SERPINE2: variants seen among roughly 807,000 people sequenced by gnomAD.
SERPINE2 encodes serpin family E member 2.
A neutral mutation model predicts 36.3 loss-of-function variants in SERPINE2; 14 were observed. The observed-to-expected ratio is 0.39, with a 90% confidence interval of 0.25 to 0.60. SERPINE2 has a LOEUF of 0.60. Ranked by LOEUF, SERPINE2 falls within the 20% of genes least tolerant of loss-of-function variation. The pLI is 0.57. For synonymous variants in SERPINE2, 192 were observed against 191.8 expected (o/e 1.00, Z -0.01); for missense variants, 418 against 499.6 (o/e 0.84, Z 1.56).
chr2:223,977,435 G>T, intron 8 of SERPINE2, 109 bp downstream of exon 8: 1 of 742,868 alleles, frequency 1.3e-6, no homozygotes, highest in Non-Finnish European at 2.5e-6. Context: ...TGCAACTATT[G>T]ACATTAGGGA....
chr2:224,037,108 G>A (rs1208533887), intron 1 of SERPINE2, among the ~76,000 whole-genome samples: 1 of 152,162 alleles, frequency 6.6e-6, no homozygotes, highest in African/African-American at 2.4e-5. Context: ...AGTTTCAAGC[G>A]AGCAAGGATC....
chr2:224,011,134 C>CTATG (rs1223311342), intron 1 of SERPINE2, among the ~76,000 whole-genome samples: 1 of 152,094 alleles, frequency 6.6e-6, no homozygotes, highest in Admixed American at 6.6e-5. Flanking sequence ...TCTGGTTTAC[C>CTATG]TATGTATCAA....
At chr2:224,001,215 G>T (rs1240874667) in intron 2 of SERPINE2, among the ~76,000 whole-genome samples, 1 of 152,128 alleles carries the variant, frequency 6.6e-6, no homozygotes, top group Non-Finnish European at 1.5e-5. Flanking sequence ...CCACAATCAA[G>T]ACCCAGGATG....
At chr2:223,987,788 C>T (rs2106144545) in intron 4 of SERPINE2, among the ~76,000 whole-genome samples, 1 of 152,254 alleles carries the variant, frequency 6.6e-6, no homozygotes, top group African/African-American at 2.4e-5. Context: ...ACTTTAAGTG[C>T]TACTAGGGAA....
At chr2:224,002,337 T>C (rs1691211796) in intron 1 of SERPINE2, among the ~76,000 whole-genome samples, 2 of 152,110 alleles carry the variant, frequency 1.3e-5, no homozygotes, top group African/African-American at 4.8e-5. Flanking sequence ...TTGAATGCCA[T>C]GTGAATATAT....
intron 1 of SERPINE2, among the ~76,000 whole-genome samples, chr2:224,007,724 G>T (rs1410049923): frequency 3.9e-5 from 6 of 151,932 alleles, no homozygotes; most frequent in Non-Finnish European, 8.8e-5. Context: ...TGTTTTTTTG[G>T]TTGTTTGTTT....
chr2:224,038,065 G>C (rs184164136), intron 1 of SERPINE2, among the ~76,000 whole-genome samples: 1 of 152,240 alleles, frequency 6.6e-6, no homozygotes, highest in East Asian at 1.9e-4. Flanking sequence ...GTGTGGTTTA[G>C]GATATACAAA....
At chr2:224,031,215 C>T (rs1438486639) in intron 1 of SERPINE2, 1 of 985,260 alleles carries the variant, frequency 1.0e-6, no homozygotes, top group East Asian at 1.1e-4. Flanking sequence ...GCTGTGCGAC[C>T]CTACATATTC....
intron 8 of SERPINE2, among the ~76,000 whole-genome samples, chr2:223,976,603 A>C (rs941397492): frequency 5.9e-5 from 9 of 152,262 alleles, no homozygotes; most frequent in Non-Finnish European, 1.3e-4. Flanking sequence ...GATTAAATAA[A>C]ATAGTAAAAG....
chr2:224,037,250 C>G lies in SERPINE2; in HGVS notation c.-23+1849G>C, dbSNP rs114868931. ...AGATGGGGGAGGACGTGAGGAGATACTTATGACCTCTATTCTCCTGGTAGA... is the reference window on the plus strand; with the variant it reads ...AGATGGGGGAGGACGTGAGGAGATAGTTATGACCTCTATTCTCCTGGTAGA... On this transcript the variant is annotated intron_variant, in intron 1 of 8. Coordinates refer to ENST00000409304, the MANE Select transcript of SERPINE2 (RefSeq NM_001136528.2). 6.1e-3 allele frequency among the ~76,000 whole-genome samples: 922 copies of G among 152,272 alleles called. 5 individuals are homozygous for G. The highest frequency in any genetic ancestry group is 0.021 in the African/African-American group (882 of 41,554).
At chr2:224,031,538 G>C (rs1393894371) in intron 1 of SERPINE2, 7 of 983,648 alleles carry the variant, frequency 7.1e-6, no homozygotes, top group Non-Finnish European at 6.0e-6. Context: ...CACAGCCATT[G>C]GTACACGGAA....
intron 4 of SERPINE2, 112 bp downstream of exon 4, chr2:223,991,691 C>T: frequency 9.0e-7 from 1 of 1,112,962 alleles, no homozygotes; most frequent in South Asian, 1.3e-5. Flanking sequence ...CTCTGTTCCC[C>T]AGTTTTTTAA....
chr2:223,984,769 C>T lies in SERPINE2; in HGVS notation c.867G>A (p.Val289=). Residue 289 remains valine, a synonymous_variant, in exon 5 of 9, where the codon GTG becomes GTA. Transcript: ENST00000409304. ...SWMSIMVPKR[V]QVILPKFTAV... ...CCACTTACTTGGGCAGGATCACCTGCACCCTCTTGGGCACCATGATGCTCA... is the reference window on the plus strand; with the variant it reads ...CCACTTACTTGGGCAGGATCACCTGTACCCTCTTGGGCACCATGATGCTCA... The T allele has an allele frequency of 6.2e-7, 1 of 1,612,802 alleles. No homozygotes were observed. The highest frequency in any genetic ancestry group is 8.5e-7 in the Non-Finnish European group (1 of 1,179,872).
intron 1 of SERPINE2, among the ~76,000 whole-genome samples, chr2:224,028,027 A>G (rs1015913340): frequency 3.9e-5 from 6 of 152,238 alleles, no homozygotes; most frequent in African/African-American, 7.2e-5. Context: ...GAAAAAGAGC[A>G]TGAATCAGCC....
intron 3 of SERPINE2, among the ~76,000 whole-genome samples, chr2:223,993,435 T>C (rs1412011270): frequency 6.8e-6 from 1 of 147,392 alleles, no homozygotes; most frequent in African/African-American, 2.4e-5. Flanking sequence ...AAGGTTCAGT[T>C]GTGTGTGTGT....
At chr2:223,995,778 A>G (rs1690862448) in intron 3 of SERPINE2, among the ~76,000 whole-genome samples, 1 of 152,224 alleles carries the variant, frequency 6.6e-6, no homozygotes, top group Non-Finnish European at 1.5e-5. Context: ...TAGTTAACAC[A>G]GCTCATGTTT....
At position 223,975,768 on chromosome 2, in the gene SERPINE2, T is replaced by C. The variant is rs1315716864; in HGVS notation, c.*99A>G. The C allele has an allele frequency of 4.2e-6, 4 of 959,696 alleles. No homozygotes were observed. Among genetic ancestry groups the C allele is most frequent in the African/African-American group, 1.6e-5 (1 of 60,878 alleles). 59.4% of individuals were successfully genotyped at this position (959,696 alleles called of 1,614,324 possible). On this transcript the variant is annotated 3_prime_UTR_variant, in exon 9 of 9. Coordinates refer to ENST00000409304, the MANE Select transcript of SERPINE2 (RefSeq NM_001136528.2). The stretch of plus-strand genomic sequence containing the variant: ...AGAACTAGTTTTGAAAAAGAAGCGA[T>C]GTACAAAAATATTTAACAGAACTAT...
chr2:224,009,436 C>T (rs1322724431), intron 1 of SERPINE2, among the ~76,000 whole-genome samples: 6 of 152,242 alleles, frequency 3.9e-5, no homozygotes, highest in South Asian at 2.1e-4. Flanking sequence ...GGCTCAAGCC[C>T]GTAACCCCAG....
At chr2:223,994,592 T>C (rs1335306527) in intron 3 of SERPINE2, among the ~76,000 whole-genome samples, 1 of 152,040 alleles carries the variant, frequency 6.6e-6, no homozygotes. Flanking sequence ...GAGAGAGAGG[T>C]GCAGGCTGAC....
Sources: allele counts gnomAD v4.1 joint callset (sites outside exome capture counted in the v4.1 genomes callset), GRCh38; gene constraint gnomAD v4.1.1; transcripts MANE v1.5; gene names NCBI Gene and HGNC (gene_info 2026-07-23, HGNC 2026-07-21).